Variants in PLEKHA7 observed in about 807,000 individuals in gnomAD.
The protein encoded by PLEKHA7 is pleckstrin homology domain-containing family A member 7.
PLEKHA7 carries 104 observed loss-of-function variants against 170.0 expected under a neutral mutation model. The observed-to-expected ratio is 0.61, with a 90% confidence interval of 0.52 to 0.72. The LOEUF (loss-of-function observed/expected upper bound fraction) is 0.72, where lower values mean the gene tolerates loss of function less well. Ranked by LOEUF, PLEKHA7 falls within the 30% of genes least tolerant of loss-of-function variation. PLEKHA7 has a pLI of 0.00. For synonymous variants in PLEKHA7, 648 were observed against 660.8 expected, an observed-to-expected ratio of 0.98 and a Z score of 0.30; for missense variants, 1,615 against 1,671.7, an observed-to-expected ratio of 0.97 and a Z score of 0.59.
At chr11:16,786,530 C>A in intron 23 of PLEKHA7, 143 bp from the exon 24 acceptor site, 1 of 1,461,598 alleles carries the variant, frequency 6.8e-7, no homozygotes, top group African/African-American at 1.4e-5. Context: ...GAGAATGAAG[C>A]TGCTGTCCCC....
chr11:16,968,736 G>A (rs952296450), intron 3 of PLEKHA7, among the ~76,000 whole-genome samples: 11 of 152,164 alleles, frequency 7.2e-5, no homozygotes, highest in Non-Finnish European at 1.2e-4. Flanking sequence ...CACCAACAGC[G>A]CTTGCATGCA....
Position 16,789,816 on chromosome 11 carries a change from G to A in PLEKHA7, c.3115C>T (p.Arg1039Trp), listed in dbSNP as rs566443311. Reference sequence around the variant, plus strand: ...CTGCTTTCGGCATTGAGACCCCTCCGGAGTGTGACGTAGGGAGCAATGGTG... The same window carrying A: ...CTGCTTTCGGCATTGAGACCCCTCCAGAGTGTGACGTAGGGAGCAATGGTG... ...SSTIAPYVTL[R>W]RGLNAESSKA... The change falls in exon 22 of 27, where the codon CGG becomes TGG. Residue 1039 changes from arginine to tryptophan, a missense_variant. Arg to Trp is a moderately radical substitution (Grantham distance 101). Transcript: ENST00000531066. The surrounding 1 kb of genome is among the most constrained non-coding windows in gnomAD (Gnocchi z 4.6). The A allele has an allele frequency of 1.3e-4, 206 of 1,614,146 alleles. No individual in the cohort carries two copies. Among genetic ancestry groups the A allele is most frequent in the South Asian group, 3.8e-4 (35 of 91,086 alleles).
At chr11:16,895,826 G>C (rs1350530973) in intron 3 of PLEKHA7, among the ~76,000 whole-genome samples, 1 of 152,146 alleles carries the variant, frequency 6.6e-6, no homozygotes, top group Non-Finnish European at 1.5e-5. Context: ...ACCTGAAAGG[G>C]GCAAAATCTA....
intron 3 of PLEKHA7, among the ~76,000 whole-genome samples, chr11:16,987,764 T>C (rs1348455528): frequency 2.6e-5 from 4 of 152,158 alleles, no homozygotes; most frequent in Non-Finnish European, 5.9e-5. Flanking sequence ...CCTGGATCCC[T>C]CCCTTCTCAA....
intron 3 of PLEKHA7, among the ~76,000 whole-genome samples, chr11:16,930,173 G>A (rs749117701): frequency 2.0e-5 from 3 of 152,116 alleles, no homozygotes; most frequent in Non-Finnish European, 4.4e-5. Context: ...AAGGAACAGA[G>A]GTAAGAAAGA....
In PLEKHA7 at chr11:16,871,198, G is replaced by A. The variant is rs1565046949; in HGVS notation, c.222-16C>T. On this transcript the variant is annotated splice_polypyrimidine_tract_variant and intron_variant, in intron 3 of 26. Transcript: ENST00000531066. ...CTGGTTATGGCTAAAGAGAAAGAGA[G>A]AAGATGGATGAGAATTCGTGTGAAT... 6.3e-7 allele frequency: 1 copy of A among 1,577,134 alleles called. No homozygotes were observed.
intron 13 of PLEKHA7, among the ~76,000 whole-genome samples, chr11:16,805,572 A>ACC (rs768973100): frequency 4.6e-5 from 7 of 151,888 alleles, no homozygotes; most frequent in Non-Finnish European, 8.8e-5. Flanking sequence ...CGGGTGAATT[A>ACC]TGAGGTCAGG....
At chr11:16,838,697 T>C (rs963914364) in intron 9 of PLEKHA7, among the ~76,000 whole-genome samples, 98 of 143,070 alleles carry the variant, frequency 6.8e-4, no homozygotes, top group African/African-American at 2.5e-3. Flanking sequence ...AGTTTTCTTT[T>C]TTTTTTTTTT....
At chr11:16,779,696 C>T (rs1848879078) in intron 26 of PLEKHA7, among the ~76,000 whole-genome samples, 1 of 152,198 alleles carries the variant, frequency 6.6e-6, no homozygotes, top group Non-Finnish European at 1.5e-5. Context: ...TGGCGGGGAC[C>T]TGCTGACTCT....
intron 3 of PLEKHA7, among the ~76,000 whole-genome samples, chr11:16,891,149 A>G (rs1375997882): frequency 1.3e-5 from 2 of 151,922 alleles, no homozygotes; most frequent in African/African-American, 4.8e-5. Context: ...TACTGTACTC[A>G]GGCAATCCTC....
chr11:16,802,827 T>C lies in PLEKHA7; in HGVS notation c.2157+145A>G, dbSNP rs1848688250. 1.5e-5 allele frequency: 11 copies of C among 724,166 alleles called. No homozygotes were observed. In the South Asian group the frequency reaches 1.9e-4, roughly 13 times the overall value. The allele number at this position is 724,166 out of a possible 1,614,324, so 44.9% of individuals were successfully genotyped here. ...TTCCAAAGTGCTGAGATTACAGGCA[T>C]GAGCCACCGCACCTGGTGCATTTTT... On this transcript the variant is annotated intron_variant, in intron 15 of 26. Coordinates refer to ENST00000531066, the MANE Select transcript of PLEKHA7 (RefSeq NM_001329630.2).
chr11:16,876,157 C>T (rs1378794691), intron 3 of PLEKHA7, among the ~76,000 whole-genome samples: 2 of 152,220 alleles, frequency 1.3e-5, no homozygotes, highest in Admixed American at 1.3e-4. Context: ...GATTCTAACA[C>T]CCATGAAGAG....
intron 3 of PLEKHA7, among the ~76,000 whole-genome samples, chr11:17,011,641 C>T (rs915494129): frequency 3.3e-5 from 5 of 152,120 alleles, no homozygotes; most frequent in Non-Finnish European, 1.5e-5. Context: ...TCACCTCTCA[C>T]CCCTCTAAAC....
At chr11:16,851,825 A>G (rs1852988818) in intron 7 of PLEKHA7, among the ~76,000 whole-genome samples, 1 of 152,194 alleles carries the variant, frequency 6.6e-6, no homozygotes, top group Non-Finnish European at 1.5e-5. Flanking sequence ...GATGGAATTC[A>G]CTTCTCAGGC....
At chr11:16,922,564 A>G (rs865918052) in intron 3 of PLEKHA7, among the ~76,000 whole-genome samples, 4 of 152,204 alleles carry the variant, frequency 2.6e-5, no homozygotes, top group Non-Finnish European at 5.9e-5. Flanking sequence ...TTCACCAGAT[A>G]TAGTACAAAC....
At chr11:16,952,574 A>T (rs1026089964) in intron 3 of PLEKHA7, among the ~76,000 whole-genome samples, 2 of 145,812 alleles carry the variant, frequency 1.4e-5, no homozygotes, top group African/African-American at 5.0e-5. Flanking sequence ...CTTTTAACTT[A>T]AAAAAAAAAA....
At chr11:16,952,220 A>G (rs1395653933) in intron 3 of PLEKHA7, among the ~76,000 whole-genome samples, 2 of 152,212 alleles carry the variant, frequency 1.3e-5, no homozygotes, top group Non-Finnish European at 2.9e-5. Flanking sequence ...GAATGGATGT[A>G]GGTAGAAGGA....
intron 3 of PLEKHA7, among the ~76,000 whole-genome samples, chr11:16,927,036 G>A (rs1859604580): frequency 6.6e-6 from 1 of 151,964 alleles, no homozygotes; most frequent in South Asian, 2.1e-4. Flanking sequence ...GGTCAGGCGT[G>A]GTAGCGCTAG....
At chr11:16,814,566 G>A (rs922838820) in intron 12 of PLEKHA7, among the ~76,000 whole-genome samples, 20 of 152,190 alleles carry the variant, frequency 1.3e-4, no homozygotes, top group East Asian at 3.8e-4. Context: ...AAAGCCCAAC[G>A]TTCTTGCAAC....
Sources: gnomAD v4.1 joint callset for allele counts (sites outside exome capture counted in the v4.1 genomes callset) on GRCh38, gnomAD v4.1.1 for gene constraint, Gnocchi (gnomAD v3.1) non-coding constraint, MANE v1.5 for transcripts, NCBI Gene and HGNC (gene_info 2026-07-23, HGNC 2026-07-21) for gene names.